DDI2: variants seen among roughly 807,000 people sequenced by gnomAD.
DDI2 encodes the protein protein DDI1 homolog 2.
Under a neutral mutation model 48.1 loss-of-function variants are expected in DDI2, and 5 were observed. The ratio of observed to expected loss-of-function variants is 0.10; its 90% CI spans 0.05 to 0.22. The LOEUF (loss-of-function observed/expected upper bound fraction) is 0.22, where lower values mean the gene tolerates loss of function less well. DDI2 is among the 10% of genes least tolerant of loss of function. The probability of loss-of-function intolerance (pLI) is 1.00; values close to 1 mark genes in which losing one functional copy is unlikely to be tolerated. For synonymous variants in DDI2, 205 were observed against 183.6 expected (o/e 1.12, Z -0.94); for missense variants, 285 against 506.2 (o/e 0.56, Z 4.19).
chr1:15,653,272 ATT>A (rs1640221275), intron 8 of DDI2, among the ~76,000 whole-genome samples: 1 of 140,328 alleles, frequency 7.1e-6, no homozygotes, highest in African/African-American at 2.7e-5. Flanking sequence ...TATTTTATTT[ATT>A]TTATTTTATT....
At chr1:15,641,904 G>A (rs1416334739) in intron 5 of DDI2, among the ~76,000 whole-genome samples, 7 of 146,410 alleles carry the variant, frequency 4.8e-5, no homozygotes, top group Non-Finnish European at 5.9e-5. Flanking sequence ...GCAGTGAGCC[G>A]AGATTGCACC....
chr1:15,623,147 C>T (rs757595887), intron 1 of DDI2, among the ~76,000 whole-genome samples: 5 of 152,190 alleles, frequency 3.3e-5, no homozygotes, highest in Middle Eastern at 3.4e-3. Flanking sequence ...GGAGTCAGAG[C>T]GGGCAGTTGG....
At chr1:15,648,382 A>G (rs1322166422) in intron 6 of DDI2, among the ~76,000 whole-genome samples, 1 of 152,234 alleles carries the variant, frequency 6.6e-6, no homozygotes, top group African/African-American at 2.4e-5. Flanking sequence ...AAGCTTTACC[A>G]TGGATTAGAG....
chr1:15,663,317 T>G lies in DDI2; in HGVS notation c.*3527T>G, dbSNP rs1640407861. The stretch of plus-strand genomic sequence containing the variant: ...TGGAGGCTCATATCTCAGGAGTTTT[T>G]GAAATTTTAATTTAGGGGCACTTAG... On this transcript the variant is annotated 3_prime_UTR_variant, in exon 10 of 10. Transcript: ENST00000480945. The G allele has an allele frequency of 6.6e-6, 1 of 152,228 alleles. No homozygotes were observed. The allele number at this position is 152,228 out of a possible 1,614,324, so 9.4% of individuals were successfully genotyped here. A position where few individuals can be genotyped will look rare whatever the true frequency, so the allele number is the denominator to read the frequency against.
At chr1:15,639,703 T>C (rs1639978264) in intron 5 of DDI2, among the ~76,000 whole-genome samples, 1 of 152,160 alleles carries the variant, frequency 6.6e-6, no homozygotes, top group Non-Finnish European at 1.5e-5. Context: ...GCCTCAACTC[T>C]CATTAAGAGT....
At position 15,666,128 on chromosome 1, in the gene DDI2, C is replaced by G. The variant is rs550613262; in HGVS notation, c.*6338C>G. On this transcript the variant is annotated 3_prime_UTR_variant, in exon 10 of 10. Transcript: ENST00000480945. ...ATTACTCTTAACAACAAATTAAATT[C>G]AAAGCCTGTCCTTGAGAACTGGAAA... 1 of 152,112 alleles carries G rather than the reference C, an allele frequency of 6.6e-6. No individual in the cohort carries two copies. Among genetic ancestry groups the G allele is most frequent in the African/African-American group, 2.4e-5 (1 of 41,408 alleles). 9.4% of individuals were successfully genotyped at this position (152,112 alleles called of 1,614,324 possible).
At chr1:15,640,924 T>C (rs1433666377) in intron 5 of DDI2, among the ~76,000 whole-genome samples, 1 of 152,034 alleles carries the variant, frequency 6.6e-6, no homozygotes, top group Non-Finnish European at 1.5e-5. Context: ...TCTTGAAGCA[T>C]CGGTGGAATT....
chr1:15,622,467 T>A (rs907557544), intron 1 of DDI2, among the ~76,000 whole-genome samples: 1 of 152,198 alleles, frequency 6.6e-6, no homozygotes, highest in African/African-American at 2.4e-5. Context: ...AAATGTTGAT[T>A]AAGATTATAA....
chr1:15,622,661 G>GCGGAT (rs1488286539), intron 1 of DDI2, among the ~76,000 whole-genome samples: 1 of 152,128 alleles, frequency 6.6e-6, no homozygotes, highest in Non-Finnish European at 1.5e-5. Flanking sequence ...AATGCCGGCA[G>GCGGAT]CGGATCCCCT....
At chr1:15,642,115 C>G (rs6429769) in intron 5 of DDI2, among the ~76,000 whole-genome samples, 53,964 of 151,920 alleles carry the variant, frequency 0.36, 11,324 homozygotes, top group African/African-American at 0.58. Context: ...CATTGGCAAA[C>G]ACAGAGAAAT....
At chr1:15,621,330 A>G (rs1639660919) in intron 1 of DDI2, among the ~76,000 whole-genome samples, 1 of 152,126 alleles carries the variant, frequency 6.6e-6, no homozygotes, top group Admixed American at 6.6e-5. Flanking sequence ...TAATAGCAGT[A>G]ATTGTATGAT....
chr1:15,625,766 G>A (rs760056220), intron 1 of DDI2, among the ~76,000 whole-genome samples: 2 of 152,048 alleles, frequency 1.3e-5, no homozygotes, highest in South Asian at 2.1e-4. Context: ...TTACAGGCAC[G>A]TGCCACGACA....
At chr1:15,620,972 T>C (rs1381885118) in intron 1 of DDI2, among the ~76,000 whole-genome samples, 1 of 152,244 alleles carries the variant, frequency 6.6e-6, no homozygotes, top group Non-Finnish European at 1.5e-5. Context: ...GAGTGTCAAT[T>C]GCACATAAGC....
intron 1 of DDI2, among the ~76,000 whole-genome samples, chr1:15,622,110 C>T (rs961219055): frequency 1.3e-5 from 2 of 151,798 alleles, no homozygotes; most frequent in Non-Finnish European, 2.9e-5. Context: ...GGATCTCGCT[C>T]TCGCCCAGGC....
chr1:15,660,033 T>G lies in DDI2; in HGVS notation c.*243T>G. On this transcript the variant is annotated 3_prime_UTR_variant, in exon 10 of 10. Transcript: ENST00000480945. The stretch of plus-strand genomic sequence containing the variant: ...GCATTGAACCTAAAGCTGTGAAGGC[T>G]TTGAAGGCTTCAGCTGAATTCCAGC... 4 of 1,614,096 alleles carry G rather than the reference T, an allele frequency of 2.5e-6. No individual in the cohort carries two copies. Among genetic ancestry groups the G allele is most frequent in the Non-Finnish European group, 3.4e-6 (4 of 1,180,008 alleles).
chr1:15,644,587 GTTTTTTTTTT>G (rs138470671), intron 6 of DDI2, among the ~76,000 whole-genome samples: 2 of 57,824 alleles, frequency 3.5e-5, no homozygotes, highest in Non-Finnish European at 6.0e-5. Flanking sequence ...AGTTTTTTTT[GTTTTTTTTTT>G]TTTTTTTTTT....
Position 15,660,148 on chromosome 1 carries a change from G to A in DDI2, c.*358G>A. 1 of 1,614,192 alleles carries A rather than the reference G, an allele frequency of 6.2e-7. No homozygotes were observed. Among genetic ancestry groups the A allele is most frequent in the Non-Finnish European group, 8.5e-7 (1 of 1,180,032 alleles). On this transcript the variant is annotated 3_prime_UTR_variant, in exon 10 of 10. Coordinates refer to ENST00000480945, the MANE Select transcript of DDI2 (RefSeq NM_032341.5). ...CCATGCTCCAACAGACCAGAGTCCA[G>A]CTATGCCTATGCAGAATTCATCCGA...
In DDI2 at chr1:15,659,895, G is replaced by A. The variant is rs770246488; in HGVS notation, c.*105G>A. On this transcript the variant is annotated 3_prime_UTR_variant, in exon 10 of 10. Transcript: ENST00000480945. ...TGTCATCATTACCAACTTCAGATGG[G>A]TTTAACCATCCCGCCCGTTCTTCAG... 1 of 1,599,614 alleles carries A rather than the reference G, an allele frequency of 6.3e-7. No individual in the cohort carries two copies. The highest frequency in any genetic ancestry group is 1.1e-5 in the South Asian group (1 of 88,178).
intron 6 of DDI2, among the ~76,000 whole-genome samples, chr1:15,644,983 G>A (rs566201753): frequency 5.9e-5 from 9 of 151,962 alleles, no homozygotes; most frequent in Admixed American, 4.6e-4. Flanking sequence ...TCCGCCTCCC[G>A]GGTTCAAGCG....
Sources: allele counts gnomAD v4.1 joint callset (sites outside exome capture counted in the v4.1 genomes callset), GRCh38; gene constraint gnomAD v4.1.1; transcripts MANE v1.5; gene names NCBI Gene and HGNC (gene_info 2026-07-23, HGNC 2026-07-21).